Variants in FOXP1 observed in about 807,000 individuals in gnomAD.
The protein encoded by FOXP1 is forkhead box P1.
A neutral mutation model predicts 98.2 loss-of-function variants in FOXP1; 15 were observed. The ratio of observed to expected loss-of-function variants is 0.15; its 90% CI spans 0.10 to 0.24. FOXP1 has a LOEUF of 0.24. Among genes scored for constraint, FOXP1 ranks in the 10% least tolerant of loss-of-function variants. FOXP1 has a pLI of 1.00. For missense variants in FOXP1, 633 were observed against 848.5 expected, an observed-to-expected ratio of 0.75 and a Z score of 3.15; for synonymous variants, 371 against 314.5, an observed-to-expected ratio of 1.18 and a Z score of -1.90.
intron 11 of FOXP1, among the ~76,000 whole-genome samples, chr3:71,036,603 G>A (rs1471607338): frequency 6.6e-6 from 1 of 152,212 alleles, no homozygotes; most frequent in Non-Finnish European, 1.5e-5. Flanking sequence ...AGCATATGAT[G>A]TGTTCATTGA....
At chr3:71,289,979 C>G (rs1375269665) in intron 5 of FOXP1, 1 of 152,194 alleles carries the variant, frequency 6.6e-6, no homozygotes, top group East Asian at 1.9e-4. Flanking sequence ...TTGGTGAGTT[C>G]AGTCAAGTTT....
chr3:71,544,102 T>C (rs999008957), intron 2 of FOXP1, among the ~76,000 whole-genome samples: 1 of 151,770 alleles, frequency 6.6e-6, no homozygotes, highest in Non-Finnish European at 1.5e-5. Context: ...TTACTTTCCT[T>C]TACTATGTCT....
intron 2 of FOXP1, among the ~76,000 whole-genome samples, chr3:71,544,828 A>T (rs2045226080): frequency 7.7e-6 from 1 of 130,644 alleles, no homozygotes; most frequent in South Asian, 2.3e-4. Context: ...CAATGAGGGT[A>T]GTCAAGAAAG....
At chr3:71,117,754 T>C (rs2058476703) in intron 6 of FOXP1, among the ~76,000 whole-genome samples, 2 of 152,318 alleles carry the variant, frequency 1.3e-5, no homozygotes, top group Admixed American at 6.5e-5. Context: ...GGGTGGTTCC[T>C]GGGTGGGTTG....
At chr3:71,031,140 T>C (rs991125359) in intron 11 of FOXP1, among the ~76,000 whole-genome samples, 2 of 152,204 alleles carry the variant, frequency 1.3e-5, no homozygotes, top group Non-Finnish European at 1.5e-5. Context: ...CCTTCTGCCA[T>C]AGTACATCTT....
intron 6 of FOXP1, among the ~76,000 whole-genome samples, chr3:71,165,927 G>C (rs566436188): frequency 4.6e-5 from 7 of 152,340 alleles, no homozygotes; most frequent in Admixed American, 1.3e-4. Flanking sequence ...CACCACGTTT[G>C]AGCAACTGAA....
chr3:71,379,828 C>T (rs535907592), intron 3 of FOXP1, among the ~76,000 whole-genome samples: 6 of 152,254 alleles, frequency 3.9e-5, no homozygotes, highest in Non-Finnish European at 8.8e-5. Context: ...CTGGCCTTTA[C>T]AAAAACAGTT....
At chr3:71,477,153 G>T (rs553495814) in intron 3 of FOXP1, among the ~76,000 whole-genome samples, 1 of 152,220 alleles carries the variant, frequency 6.6e-6, no homozygotes, top group South Asian at 2.1e-4. Flanking sequence ...GCACAATGAG[G>T]TGTGACACAG....
intron 6 of FOXP1, among the ~76,000 whole-genome samples, chr3:71,162,277 G>C (rs1159702790): frequency 6.6e-6 from 1 of 152,176 alleles, no homozygotes; most frequent in Non-Finnish European, 1.5e-5. Context: ...AAATTACAGG[G>C]TATAAGAGAT....
intron 5 of FOXP1, among the ~76,000 whole-genome samples, chr3:71,270,409 A>C (rs1327806785): frequency 6.6e-6 from 1 of 152,186 alleles, no homozygotes; most frequent in Non-Finnish European, 1.5e-5. Flanking sequence ...CATTTTATCA[A>C]AGTGTCACTG....
chr3:71,516,230 T>G (rs899718683), intron 2 of FOXP1, among the ~76,000 whole-genome samples: 1 of 152,116 alleles, frequency 6.6e-6, no homozygotes, highest in Non-Finnish European at 1.5e-5. Context: ...ATGGTAAGGG[T>G]GCTTGAGATT....
intron 3 of FOXP1, among the ~76,000 whole-genome samples, chr3:71,489,301 G>A (rs1190467003): frequency 6.6e-6 from 1 of 152,104 alleles, no homozygotes; most frequent in Non-Finnish European, 1.5e-5. Flanking sequence ...AGGAAGGCTG[G>A]GCAAATAAGG....
intron 5 of FOXP1, among the ~76,000 whole-genome samples, chr3:71,254,509 A>G (rs2068471588): frequency 6.6e-6 from 1 of 152,232 alleles, no homozygotes; most frequent in Non-Finnish European, 1.5e-5. Context: ...TAACTGTTAC[A>G]TATTAATGTT....
At chr3:71,131,137 G>A (rs1463512207) in intron 6 of FOXP1, among the ~76,000 whole-genome samples, 1 of 151,990 alleles carries the variant, frequency 6.6e-6, no homozygotes, top group African/African-American at 2.4e-5. Flanking sequence ...ACATCGTCCC[G>A]TATTCCAGGG....
At chr3:71,291,578 T>A (rs1212276995) in intron 5 of FOXP1, among the ~76,000 whole-genome samples, 1 of 152,176 alleles carries the variant, frequency 6.6e-6, no homozygotes, top group Admixed American at 6.5e-5. Context: ...AAATCCAACC[T>A]GCAGAAAGAA....
intron 3 of FOXP1, among the ~76,000 whole-genome samples, chr3:71,423,164 C>T (rs181096145): frequency 3.2e-4 from 49 of 152,348 alleles, no homozygotes; most frequent in Admixed American, 5.2e-4. Flanking sequence ...AAAGCTCTCA[C>T]TGAGGGTGAA....
chr3:71,517,902 G>T (rs1057461416), intron 2 of FOXP1, among the ~76,000 whole-genome samples: 1 of 152,158 alleles, frequency 6.6e-6, no homozygotes, highest in South Asian at 2.1e-4. Flanking sequence ...GTCATATTCC[G>T]CTGGCATATA....
chr3:71,569,259 T>C (rs190618304), intron 2 of FOXP1, among the ~76,000 whole-genome samples: 2 of 152,336 alleles, frequency 1.3e-5, no homozygotes, highest in Non-Finnish European at 2.9e-5. Flanking sequence ...GAGTCTGAAC[T>C]ACTTATGAAA....
chr3:71,275,243 GT>G (rs1400015693), intron 5 of FOXP1, among the ~76,000 whole-genome samples: 7 of 152,264 alleles, frequency 4.6e-5, no homozygotes, highest in South Asian at 2.1e-4. Context: ...TAACAGCTCT[GT>G]AGTGATGTCC....
Sources: allele counts gnomAD v4.1 joint callset (sites outside exome capture counted in the v4.1 genomes callset), GRCh38; gene constraint gnomAD v4.1.1; transcripts MANE v1.5; gene names NCBI Gene and HGNC (gene_info 2026-07-23, HGNC 2026-07-21).